The following RBMXL1 variants were observed in gnomAD, a reference collection of about 807,000 sequenced individuals.
RBMXL1 encodes RNA binding motif protein, X-linked-like-1.
In RBMXL1, 18 loss-of-function variants were observed where a neutral mutation model predicts 29.0. The ratio of observed to expected loss-of-function variants is 0.62; its 90% confidence interval spans 0.43 to 0.92. RBMXL1 has a LOEUF of 0.92. Ranked by LOEUF, RBMXL1 falls within the 40% of genes least tolerant of loss-of-function variation. RBMXL1 has a pLI of 0.00. For missense variants in RBMXL1, 403 were observed against 495.8 expected (o/e 0.81, Z 1.78); for synonymous variants, 141 against 170.4 (o/e 0.83, Z 1.34).
rs146441129 is a variant in RBMXL1 at position 88,988,256 on chromosome 1, G to A, written c.-245C>T. 6.2e-7 allele frequency: 1 copy of A among 1,609,192 alleles called. No individual in the cohort carries two copies. The highest frequency in any genetic ancestry group is 8.5e-7 in the Non-Finnish European group (1 of 1,175,762). On this transcript the variant is annotated 5_prime_UTR_variant, in exon 2 of 3. Transcript: ENST00000652648. The stretch of plus-strand genomic sequence containing the variant: ...CTGTAAGTAAGCAATACCTACAGCA[G>A]AAGTAGAGAATCCGAGGATTTTGGA...
intron 1 of RBMXL1, among the ~76,000 whole-genome samples, chr1:88,992,216 G>T (rs945907960): frequency 1.3e-5 from 2 of 152,144 alleles, no homozygotes; most frequent in African/African-American, 4.8e-5. Flanking sequence ...CTGACCTCGT[G>T]ATCCGCCCGC....
In RBMXL1 at chr1:88,982,063, C is replaced by T; in HGVS notation, c.*591G>A. ...GGGAAAGGGGAGGTTCTTGCAGATTCCCAAGGAAATGTCAGAAAGGCAAAA... is the reference window on the plus strand; with the variant it reads ...GGGAAAGGGGAGGTTCTTGCAGATTTCCAAGGAAATGTCAGAAAGGCAAAA... On this transcript the variant is annotated 3_prime_UTR_variant, in exon 3 of 3. Transcript: ENST00000652648. The T allele has an allele frequency of 1.0e-6, 1 of 985,100 alleles. No homozygotes were observed. The highest frequency in any genetic ancestry group is 1.2e-6 in the Non-Finnish European group (1 of 829,202). 61.0% of individuals were successfully genotyped at this position (985,100 alleles called of 1,614,324 possible).
At chr1:88,985,868 G>C (rs1677420088) in intron 2 of RBMXL1, among the ~76,000 whole-genome samples, 1 of 152,144 alleles carries the variant, frequency 6.6e-6, no homozygotes, top group African/African-American at 2.4e-5. Flanking sequence ...ATGTACAAAA[G>C]GTGATACTTT....
rs1480592231 is a variant in RBMXL1, at chr1:88,992,591, G to A, written c.-347C>T. 6.6e-6 allele frequency: 1 copy of A among 152,632 alleles called. No homozygotes were observed. 9.5% of individuals were successfully genotyped at this position (152,632 alleles called of 1,614,324 possible). ...GCGCGCCCGCCCCACTCACCTATCC[G>A]GTGCGGGAACCTCGCCTCCCTAGGC... On this transcript the variant is annotated 5_prime_UTR_variant, in exon 1 of 3. Coordinates refer to ENST00000652648, the MANE Select transcript of RBMXL1 (RefSeq NM_001162536.3).
chr1:88,984,174 G>T, intron 2 of RBMXL1, 108 bp from the exon 3 acceptor site: 8 of 161,674 alleles, frequency 4.9e-5, no homozygotes, highest in South Asian at 3.1e-4. Flanking sequence ...TCAAAAGTGT[G>T]TATAATTAAC....
chr1:88,983,544 C>T lies in RBMXL1; in HGVS notation c.283G>A (p.Gly95Arg), dbSNP rs759583352. ...TKPSFERGRH[G>R]PPPPPRSRGP... ...CTACTTCTTGGAGGTGGGGGCGGTC[C>T]ATGTCTACCTCTTTCAAATGATGGT... Residue 95 changes from glycine (G) to arginine (R), a missense_variant, in exon 3 of 3, where the codon GGA (glycine) becomes AGA (arginine). Transcript: ENST00000652648. 91 of 1,614,086 alleles carry T rather than the reference C, an allele frequency of 5.6e-5. No individual in the cohort carries two copies. The highest frequency in any genetic ancestry group is 7.5e-5 in the Non-Finnish European group (89 of 1,180,056).
At chr1:88,990,409 C>T (rs1299235852) in intron 1 of RBMXL1, among the ~76,000 whole-genome samples, 1 of 152,226 alleles carries the variant, frequency 6.6e-6, no homozygotes, top group Non-Finnish European at 1.5e-5. Flanking sequence ...TCACCCATTA[C>T]TCCATAATGG....
intron 1 of RBMXL1, 145 bp from the exon 2 acceptor site, chr1:88,988,496 T>A: frequency 2.0e-6 from 1 of 510,014 alleles, no homozygotes; most frequent in Non-Finnish European, 3.5e-6. Flanking sequence ...TTCTTTCAAG[T>A]TTTCTTTCTA....
chr1:88,987,062 A>G (rs1677501104), intron 2 of RBMXL1, among the ~76,000 whole-genome samples: 1 of 152,246 alleles, frequency 6.6e-6, no homozygotes, highest in Non-Finnish European at 1.5e-5. Flanking sequence ...CAAATAGTCC[A>G]CAAGTTTGAA....
intron 1 of RBMXL1, among the ~76,000 whole-genome samples, chr1:88,992,172 G>C (rs7538226): frequency 6.6e-6 from 1 of 151,932 alleles, no homozygotes; most frequent in Non-Finnish European, 1.5e-5. Context: ...TACAGACGGG[G>C]TTTCACCGTG....
intron 1 of RBMXL1, 83 bp downstream of exon 1, chr1:88,992,502 C>G (rs998627922): frequency 6.5e-6 from 1 of 152,754 alleles, no homozygotes; most frequent in Non-Finnish European, 1.5e-5. Flanking sequence ...GCCCGACCTC[C>G]GTTCCCTCGC....
intron 2 of RBMXL1, among the ~76,000 whole-genome samples, chr1:88,986,132 GAT>G (rs1248389482): frequency 3.3e-5 from 5 of 151,494 alleles, no homozygotes; most frequent in Non-Finnish European, 1.5e-5. Context: ...AGTGAGCCGA[GAT>G]TGCGCCATTG....
At chr1:88,988,393 G>A (rs1484190533) in intron 1 of RBMXL1, 42 bp from the exon 2 acceptor site, 1 of 1,167,586 alleles carries the variant, frequency 8.6e-7, no homozygotes, top group Admixed American at 1.7e-5. Flanking sequence ...ATAAATATAT[G>A]ATGGGTACAT....
At chr1:88,990,875 GATAA>G (rs1467785603) in intron 1 of RBMXL1, among the ~76,000 whole-genome samples, 2 of 152,116 alleles carry the variant, frequency 1.3e-5, no homozygotes, top group African/African-American at 4.8e-5. Context: ...TCACAAATGA[GATAA>G]ATACATTAAA....
At chr1:88,986,840 G>A (rs1490989911) in intron 2 of RBMXL1, among the ~76,000 whole-genome samples, 1 of 152,028 alleles carries the variant, frequency 6.6e-6, no homozygotes, top group South Asian at 2.1e-4. Context: ...TTGTAACACT[G>A]GCCAGTGTTT....
chr1:88,992,462 G>A (rs34527425), intron 1 of RBMXL1, 123 bp downstream of exon 1: 2 of 152,700 alleles, frequency 1.3e-5, no homozygotes, highest in African/African-American at 4.8e-5. Context: ...CACCCCCGCA[G>A]GCGGCCCCGC....
intron 1 of RBMXL1, among the ~76,000 whole-genome samples, chr1:88,990,334 G>GCTCATTTTACTAGCTCTCTCCTTTTC (rs1173941862): frequency 6.6e-6 from 1 of 151,256 alleles, no homozygotes; most frequent in East Asian, 1.9e-4. Context: ...TCTCCCTGTT[G>GCTCATTTTACTAGCTCTCTCCTTTTC]CTCATTTTAC....
intron 2 of RBMXL1, among the ~76,000 whole-genome samples, chr1:88,986,313 T>TAA (rs1362947645): frequency 7.0e-6 from 1 of 141,852 alleles, no homozygotes; most frequent in Admixed American, 7.0e-5. Context: ...TAGACTCTCT[T>TAA]AAAAAAAAAA....
chr1:88,985,054 C>G (rs59925130), intron 2 of RBMXL1, among the ~76,000 whole-genome samples: 1 of 152,158 alleles, frequency 6.6e-6, no homozygotes, highest in Non-Finnish European at 1.5e-5. Flanking sequence ...ACAATTACTT[C>G]AGAGAAACAA....
Sources: gnomAD v4.1 joint callset for allele counts (sites outside exome capture counted in the v4.1 genomes callset) on GRCh38, gnomAD v4.1.1 for gene constraint, MANE v1.5 for transcripts, NCBI Gene and HGNC (gene_info 2026-07-23, HGNC 2026-07-21) for gene names.